Variants in PIBF1 observed in about 807,000 individuals in gnomAD.
The protein encoded by PIBF1 is progesterone-induced-blocking factor 1.
In PIBF1, 90 loss-of-function variants were observed where a neutral mutation model predicts 112.5. That is an observed-to-expected ratio of 0.80 (90% CI 0.67 to 0.95). The LOEUF is 0.95. PIBF1 is among the 40% of genes least tolerant of loss of function. The probability of loss-of-function intolerance (pLI) is 0.00; values close to 1 mark genes in which losing one functional copy is unlikely to be tolerated. For synonymous variants in PIBF1, 301 were observed against 288.6 expected (o/e 1.04, Z -0.44); for missense variants, 915 against 852.3 (o/e 1.07, Z -0.92).
intron 8 of PIBF1, among the ~76,000 whole-genome samples, chr13:72,828,791 A>C (rs955580085): frequency 2.0e-5 from 3 of 152,238 alleles, no homozygotes; most frequent in Non-Finnish European, 4.4e-5. Context: ...TCCTTTGGAT[A>C]TATACCCAGT....
chr13:72,961,868 G>C (rs920235305), intron 14 of PIBF1, among the ~76,000 whole-genome samples: 1 of 152,054 alleles, frequency 6.6e-6, no homozygotes, highest in Non-Finnish European at 1.5e-5. Flanking sequence ...CTATGGTTGT[G>C]TATATATAAG....
intron 3 of PIBF1, among the ~76,000 whole-genome samples, chr13:72,793,332 T>C (rs759289362): frequency 7.3e-4 from 111 of 152,290 alleles, no homozygotes; most frequent in African/African-American, 1.2e-3. Context: ...TTAACTGATA[T>C]TGTAAAAAAT....
chr13:72,794,166 A>G (rs1015760115), intron 3 of PIBF1, among the ~76,000 whole-genome samples: 1 of 152,250 alleles, frequency 6.6e-6, no homozygotes, highest in South Asian at 2.1e-4. Flanking sequence ...ACTTGTGTCA[A>G]GCTCTATCAT....
chr13:72,853,940 A>G (rs1195641979), intron 9 of PIBF1, 117 bp from the exon 10 acceptor site: 1 of 736,448 alleles, frequency 1.4e-6, no homozygotes, highest in Non-Finnish European at 2.3e-6. Context: ...TATAGTGTAC[A>G]CTTTGGGTCC....
At chr13:72,860,782 C>T (rs1426183052) in intron 10 of PIBF1, among the ~76,000 whole-genome samples, 1 of 152,096 alleles carries the variant, frequency 6.6e-6, no homozygotes, top group African/African-American at 2.4e-5. Context: ...TGGCTTTTTA[C>T]TCAAAGACTT....
At position 72,790,467 on chromosome 13, in the gene PIBF1, ATAGATAGATCACACACACC is replaced by A. The variant is rs2034850370; in HGVS notation, c.253-1979_253-1961del. 1.2e-3 allele frequency among the ~76,000 whole-genome samples: 172 copies of A among 142,826 alleles called. 1 individual carries two copies. The highest frequency in any genetic ancestry group is 4.4e-3 in the African/African-American group (159 of 35,882). 93.7% of individuals were successfully genotyped at this position (142,826 alleles called of 152,430 possible). A position where few individuals can be genotyped will look rare whatever the true frequency, so the allele number is the denominator to read the frequency against. On this transcript the variant is annotated intron_variant, in intron 2 of 17. Transcript: ENST00000326291. ...CACACACACACACACACACACACTTATAGATAGATCACACACACCCTTATAGATAGATCACACACACACA... is the reference window on the plus strand; with the variant it reads ...CACACACACACACACACACACACTTACTTATAGATAGATCACACACACACA...
chr13:72,908,712 CT>C (rs553636713), intron 12 of PIBF1, 31 bp downstream of exon 12: 1,495 of 1,422,600 alleles, frequency 1.1e-3, no homozygotes, highest in South Asian at 1.6e-3. Flanking sequence ...ACATGCACAA[CT>C]TTTTTTTTTC....
At chr13:72,840,745 C>T (rs768673896) in intron 9 of PIBF1, among the ~76,000 whole-genome samples, 1 of 152,146 alleles carries the variant, frequency 6.6e-6, no homozygotes, top group Non-Finnish European at 1.5e-5. Context: ...AGGCTGTTCT[C>T]AAACTCCTGA....
intron 6 of PIBF1, among the ~76,000 whole-genome samples, chr13:72,824,076 C>T (rs1373268260): frequency 2.6e-5 from 4 of 152,016 alleles, no homozygotes; most frequent in Admixed American, 6.6e-5. Context: ...TGCAATGGCA[C>T]GATCTCGGCT....
At chr13:72,902,901 C>CTTT (rs113529963) in intron 11 of PIBF1, among the ~76,000 whole-genome samples, 1 of 143,248 alleles carries the variant, frequency 7.0e-6, no homozygotes, top group Non-Finnish European at 1.5e-5. Flanking sequence ...GGAAATAAAT[C>CTTT]TTTTTTTTTT....
At chr13:72,793,148 A>G (rs2035021843) in intron 3 of PIBF1, among the ~76,000 whole-genome samples, 1 of 152,208 alleles carries the variant, frequency 6.6e-6, no homozygotes, top group Non-Finnish European at 1.5e-5. Context: ...ATCTCATGCC[A>G]TTGTAAAGAA....
intron 5 of PIBF1, among the ~76,000 whole-genome samples, chr13:72,811,595 CAA>C (rs770232789): frequency 5.0e-5 from 2 of 40,054 alleles, no homozygotes; most frequent in Non-Finnish European, 1.0e-4. Flanking sequence ...AACTCCGTCT[CAA>C]AAAAAAAAAA....
At chr13:72,858,031 G>T (rs1378577969) in intron 10 of PIBF1, among the ~76,000 whole-genome samples, 150 of 126,208 alleles carry the variant, frequency 1.2e-3, no homozygotes, top group African/African-American at 3.3e-3. Context: ...CATTGTGTGT[G>T]TGTGTGTGTG....
Position 72,910,169 on chromosome 13 carries a change from T to C in PIBF1, c.1639+1488T>C, listed in dbSNP as rs2040847113. 2.6e-5 allele frequency among the ~76,000 whole-genome samples: 4 copies of C among 152,192 alleles called. 1 individual carries two copies. The highest frequency in any genetic ancestry group is 2.6e-4 in the Admixed American group (4 of 15,266). On this transcript the variant is annotated intron_variant, in intron 12 of 17. Transcript: ENST00000326291. ...TCCTATCATTGTCCTATTTCCCATT[T>C]CCAAGGTCAATGTCTGATAACTGCA...
chr13:72,939,867 C>T (rs999721511), intron 14 of PIBF1, among the ~76,000 whole-genome samples: 1 of 152,128 alleles, frequency 6.6e-6, no homozygotes, highest in Non-Finnish European at 1.5e-5. Flanking sequence ...GATACTGCTT[C>T]ACTCCCTTCT....
At chr13:73,008,955 A>C (rs554692263) in intron 17 of PIBF1, among the ~76,000 whole-genome samples, 69 of 152,310 alleles carry the variant, frequency 4.5e-4, no homozygotes, top group African/African-American at 1.6e-3. Context: ...AGCTTTAGCA[A>C]ATTGTTCAGT....
At chr13:72,857,814 T>G (rs1277377503) in intron 10 of PIBF1, among the ~76,000 whole-genome samples, 2 of 152,166 alleles carry the variant, frequency 1.3e-5, no homozygotes, top group Admixed American at 1.3e-4. Flanking sequence ...CACTCCAGCC[T>G]GGGCTACAAG....
chr13:72,835,904 C>A (rs938010591), intron 9 of PIBF1, among the ~76,000 whole-genome samples: 1 of 151,754 alleles, frequency 6.6e-6, no homozygotes, highest in African/African-American at 2.4e-5. Flanking sequence ...TCGAGACTAT[C>A]CTGGCTAACA....
chr13:72,976,000 T>C (rs771970094), intron 16 of PIBF1, among the ~76,000 whole-genome samples: 41 of 152,194 alleles, frequency 2.7e-4, no homozygotes, highest in Non-Finnish European at 5.0e-4. Context: ...GAAAAATATA[T>C]GAGCAGTTCC....
Sources: gnomAD v4.1 joint callset for allele counts (sites outside exome capture counted in the v4.1 genomes callset) on GRCh38, gnomAD v4.1.1 for gene constraint, MANE v1.5 for transcripts, NCBI Gene and HGNC (gene_info 2026-07-23, HGNC 2026-07-21) for gene names.